The following TTLL1 variants were observed in gnomAD, a reference collection of about 807,000 sequenced individuals.
The protein encoded by TTLL1 is TTL family tubulin polyglutamylase complex subunit L1.
Under a neutral mutation model 47.8 loss-of-function variants are expected in TTLL1, and 33 were observed. That is an observed-to-expected ratio of 0.69 (90% CI 0.52 to 0.92). The LOEUF is 0.92. TTLL1 is among the 40% of genes least tolerant of loss of function. The pLI, the probability that TTLL1 is intolerant of heterozygous loss-of-function variation, is 0.00. For missense variants in TTLL1, 488 were observed against 547.5 expected (o/e 0.89, Z 1.08); for synonymous variants, 225 against 214.1 (o/e 1.05, Z -0.45).
At chr22:43,081,130 G>A (rs1928857818) in intron 1 of TTLL1, among the ~76,000 whole-genome samples, 1 of 151,788 alleles carries the variant, frequency 6.6e-6, no homozygotes. Flanking sequence ...TGGCCAGGCT[G>A]GTCTCAAACT....
intron 5 of TTLL1, among the ~76,000 whole-genome samples, chr22:43,065,770 G>A (rs540047749): frequency 3.5e-4 from 53 of 152,160 alleles, no homozygotes; most frequent in African/African-American, 1.3e-3. Flanking sequence ...AACAATTCTG[G>A]TAGGGGATGC....
At position 43,049,774 on chromosome 22, in the gene TTLL1, G is replaced by GA. The variant is rs373017201; in HGVS notation, c.978+2026dup. 5.8e-3 allele frequency among the ~76,000 whole-genome samples: 653 copies of GA among 111,988 alleles called. 1 individual carries two copies. The highest frequency in any genetic ancestry group is 0.019 in the African/African-American group (534 of 27,834). 73.5% of individuals were successfully genotyped at this position (111,988 alleles called of 152,430 possible). A position where few individuals can be genotyped will look rare whatever the true frequency, so the allele number is the denominator to read the frequency against. On this transcript the variant is annotated intron_variant, in intron 9 of 10. Transcript: ENST00000266254. Reference sequence around the variant, plus strand: ...CAGAGTGGGACCCTGTCTCAAGACAGAAAAAAAAAAAGAAAAGAAAAAAAA... The same window carrying GA: ...CAGAGTGGGACCCTGTCTCAAGACAGAAAAAAAAAAAAGAAAAGAAAAAAAA...
Position 43,043,075 on chromosome 22 carries a change from G to A in TTLL1, c.1143-3170C>T, listed in dbSNP as rs545556465. ...CTGCCCTCAGCCTCCCAAGTAGCTG[G>A]GATTACAGGTGCCCACCACCACGCC... On this transcript the variant is annotated intron_variant, in intron 10 of 10. Transcript: ENST00000266254. 4.6e-5 allele frequency among the ~76,000 whole-genome samples: 7 copies of A among 151,976 alleles called. No individual in the cohort carries two copies. The South Asian group carries it at 1.0e-3, about 23-fold the overall frequency.
intron 8 of TTLL1, among the ~76,000 whole-genome samples, chr22:43,055,785 G>C (rs536183455): frequency 6.6e-6 from 1 of 152,044 alleles, no homozygotes; most frequent in South Asian, 2.1e-4. Flanking sequence ...CTTAATTTTC[G>C]TGGTTGTTTC....
chr22:43,063,836 T>C lies in TTLL1; in HGVS notation c.724A>G (p.Asn242Asp), dbSNP rs1927549068. The change falls in exon 7 of 11, where the codon AAC (asparagine) becomes GAC (aspartate). Residue 242 changes from asparagine (N) to aspartate (D), a missense_variant. Coordinates refer to ENST00000266254, the MANE Select transcript of TTLL1 (RefSeq NM_012263.5). Reference protein sequence around the residue: ...ELDNMFVHLTNVAIQKHGEDY... With the variant: ...ELDNMFVHLTDVAIQKHGEDY... Reference sequence around the variant, plus strand: ...ACCCCGTGTTTCTGGATGGCGACGTTGGTGAGATGAACGAACATGTTGTCC... The same window carrying C: ...ACCCCGTGTTTCTGGATGGCGACGTCGGTGAGATGAACGAACATGTTGTCC... 1 of 1,613,900 alleles carries C rather than the reference T, an allele frequency of 6.2e-7. No individual in the cohort carries two copies. Among genetic ancestry groups the C allele is most frequent in the African/African-American group, 1.3e-5 (1 of 74,924 alleles).
At chr22:43,084,924 G>GTA (rs1282010862) in intron 1 of TTLL1, among the ~76,000 whole-genome samples, 1 of 148,318 alleles carries the variant, frequency 6.7e-6, no homozygotes, top group Non-Finnish European at 1.5e-5. Flanking sequence ...AGTAAGGAAT[G>GTA]ACAAATTTAT....
chr22:43,078,754 G>A (rs115601722), intron 2 of TTLL1, among the ~76,000 whole-genome samples: 174 of 152,140 alleles, frequency 1.1e-3, no homozygotes, highest in African/African-American at 4.1e-3. Context: ...GCTGTTAGGT[G>A]ATCCGATATG....
chr22:43,082,071 C>T (rs1325653539), intron 1 of TTLL1, among the ~76,000 whole-genome samples: 3 of 151,660 alleles, frequency 2.0e-5, no homozygotes, highest in African/African-American at 7.3e-5. Context: ...AGGCTAGTCT[C>T]AAACTCCTGA....
chr22:43,074,119 A>G (rs1928319271), intron 3 of TTLL1, among the ~76,000 whole-genome samples: 1 of 151,862 alleles, frequency 6.6e-6, no homozygotes. Flanking sequence ...GGCCAGAACA[A>G]GAGCTCTCAA....
intron 3 of TTLL1, among the ~76,000 whole-genome samples, chr22:43,074,988 G>A (rs886110456): frequency 6.6e-6 from 1 of 152,108 alleles, no homozygotes; most frequent in African/African-American, 2.4e-5. Flanking sequence ...CCAACATGGT[G>A]AAACCCCGTC....
intron 10 of TTLL1, among the ~76,000 whole-genome samples, chr22:43,043,890 T>C (rs1474347908): frequency 6.6e-6 from 1 of 152,078 alleles, no homozygotes; most frequent in Non-Finnish European, 1.5e-5. Flanking sequence ...TTCATGGTGG[T>C]GGGTGATGGC....
chr22:43,082,173 T>A (rs1017016703), intron 1 of TTLL1, among the ~76,000 whole-genome samples: 1 of 150,888 alleles, frequency 6.6e-6, no homozygotes, highest in South Asian at 2.1e-4. Context: ...TTTTTTTTTT[T>A]AAACAACACA....
intron 9 of TTLL1, among the ~76,000 whole-genome samples, chr22:43,050,503 G>T (rs1014780852): frequency 2.5e-5 from 3 of 121,948 alleles, no homozygotes; most frequent in African/African-American, 4.3e-5. Flanking sequence ...AGTCACTCTG[G>T]TTTTTTTTTG....
At chr22:43,045,581 G>A (rs1926060198) in intron 10 of TTLL1, among the ~76,000 whole-genome samples, 1 of 150,770 alleles carries the variant, frequency 6.6e-6, no homozygotes, top group African/African-American at 2.4e-5. Context: ...AAAATGCTGG[G>A]ATTACAGGTG....
At chr22:43,054,870 C>CG (rs1238584176) in intron 8 of TTLL1, among the ~76,000 whole-genome samples, 1 of 150,260 alleles carries the variant, frequency 6.7e-6, no homozygotes, top group African/African-American at 2.5e-5. Context: ...GGACTACAGG[C>CG]ACTGCCACTA....
chr22:43,058,349 G>A (rs192306397), intron 8 of TTLL1, among the ~76,000 whole-genome samples: 96 of 152,146 alleles, frequency 6.3e-4, no homozygotes, highest in African/African-American at 2.2e-3. Flanking sequence ...AACAAAACAC[G>A]AATGCCAACT....
At chr22:43,040,779 G>A (rs954982604) in intron 10 of TTLL1, among the ~76,000 whole-genome samples, 1 of 152,160 alleles carries the variant, frequency 6.6e-6, no homozygotes, top group South Asian at 2.1e-4. Flanking sequence ...CCCAATTAAC[G>A]TTCATGCATC....
intron 3 of TTLL1, among the ~76,000 whole-genome samples, chr22:43,075,109 G>A (rs1020753455): frequency 2.0e-5 from 3 of 152,144 alleles, no homozygotes; most frequent in African/African-American, 7.2e-5. Flanking sequence ...AGATTGCAAT[G>A]AGCTGAGATC....
At chr22:43,051,225 A>G (rs1473001540) in intron 9 of TTLL1, among the ~76,000 whole-genome samples, 1 of 152,246 alleles carries the variant, frequency 6.6e-6, no homozygotes, top group Non-Finnish European at 1.5e-5. Context: ...GGGGCCTCTG[A>G]GAAGCGCGCC....
Sources: gnomAD v4.1 joint callset for allele counts (sites outside exome capture counted in the v4.1 genomes callset) on GRCh38, gnomAD v4.1.1 for gene constraint, MANE v1.5 for transcripts, NCBI Gene and HGNC (gene_info 2026-07-23, HGNC 2026-07-21) for gene names.